The following GRIN3A variants were observed in gnomAD, a reference collection of about 807,000 sequenced individuals.
GRIN3A encodes the protein glutamate receptor ionotropic, NMDA 3A.
GRIN3A carries 47 observed loss-of-function variants against 92.4 expected under a neutral mutation model. The observed-to-expected ratio is 0.51, with a 90% CI of 0.40 to 0.65. GRIN3A has a LOEUF of 0.65. Ranked by LOEUF, GRIN3A falls within the 30% of genes least tolerant of loss-of-function variation. GRIN3A has a pLI of 0.00. For synonymous variants in GRIN3A, 527 were observed against 540.6 expected, an observed-to-expected ratio of 0.97 and a Z score of 0.35; for missense variants, 1,324 against 1,393.1, an observed-to-expected ratio of 0.95 and a Z score of 0.79.
At chr9:101,712,849 G>T (rs1176756077) in intron 1 of GRIN3A, among the ~76,000 whole-genome samples, 1 of 152,184 alleles carries the variant, frequency 6.6e-6, no homozygotes, top group Non-Finnish European at 1.5e-5. Context: ...ACACTTCATA[G>T]AAATTATTTC....
chr9:101,670,522 A>G lies in GRIN3A; in HGVS notation c.1890T>C (p.Thr630=), dbSNP rs750409669. Residue 630 remains threonine (T), a synonymous_variant, in exon 3 of 9, where the codon ACT becomes ACC. Coordinates refer to ENST00000361820, the MANE Select transcript of GRIN3A (RefSeq NM_133445.3). ...TCCGTGCAGTATTGATGCTAAAGGA[A>G]GTGACTGCCATGTGGGCAGTCCCTC... The part of the protein sequence containing the change: ...LLRGTAHMAV[T]SFSINTARSQ... 1.2e-6 allele frequency: 2 copies of G among 1,614,062 alleles called. No individual in the cohort carries two copies. Among genetic ancestry groups the G allele is most frequent in the Admixed American group, 3.3e-5 (2 of 59,984 alleles).
chr9:101,679,573 G>A (rs190643632), intron 2 of GRIN3A, among the ~76,000 whole-genome samples: 18 of 152,294 alleles, frequency 1.2e-4, no homozygotes, highest in African/African-American at 4.1e-4. Context: ...AGATCATTCG[G>A]CTGACAAGGG....
At chr9:101,618,507 A>C (rs899739604) in intron 5 of GRIN3A, among the ~76,000 whole-genome samples, 2 of 152,204 alleles carry the variant, frequency 1.3e-5, no homozygotes, top group African/African-American at 2.4e-5. Flanking sequence ...ATACCATCTC[A>C]CACCAGTTAG....
At chr9:101,665,483 T>A (rs1564139167) in intron 3 of GRIN3A, among the ~76,000 whole-genome samples, 1 of 151,906 alleles carries the variant, frequency 6.6e-6, no homozygotes, top group Admixed American at 6.6e-5. Context: ...GAGTTTTATG[T>A]AGTGAAAACG....
At chr9:101,628,210 C>G in intron 4 of GRIN3A, 46 bp downstream of exon 4, 1 of 1,602,780 alleles carries the variant, frequency 6.2e-7, no homozygotes. Flanking sequence ...TAAATTACTT[C>G]TCTTCAGTGA....
chr9:101,614,609 C>CTTTTT (rs754003481), intron 5 of GRIN3A, among the ~76,000 whole-genome samples: 8 of 83,050 alleles, frequency 9.6e-5, no homozygotes, highest in Non-Finnish European at 1.4e-4. Context: ...ATATGTGATA[C>CTTTTT]TTTTTTTTTT....
At chr9:101,690,973 T>C (rs987376508) in intron 1 of GRIN3A, among the ~76,000 whole-genome samples, 6 of 152,070 alleles carry the variant, frequency 3.9e-5, no homozygotes, top group Admixed American at 6.5e-5. Context: ...CATTAAAAGA[T>C]AGACCAAAAG....
Position 101,670,960 on chromosome 9 carries a change from C to T in GRIN3A, c.1452G>A (p.Trp484Ter). The T allele has an allele frequency of 6.2e-7, 1 of 1,614,014 alleles. No individual in the cohort carries two copies. Among genetic ancestry groups the T allele is most frequent in the Non-Finnish European group, 8.5e-7 (1 of 1,179,942 alleles). Residue 484 changes from tryptophan to a stop codon, truncating the protein, a stop_gained, in exon 3 of 9, where the codon TGG becomes TGA. Coordinates refer to ENST00000361820, the MANE Select transcript of GRIN3A (RefSeq NM_133445.3). LOFTEE classifies it high-confidence loss of function. ...AGTCCATGACAATCTTTCCCCCCTG[C>T]CAGCTGCCCAAGCGGGTCCACATTG... ...GKPMWTRLGS[W>*]QGGKIVMDYG... is the part of the protein sequence containing the mutation.
Position 101,662,061 on chromosome 9 carries a change from C to T in GRIN3A, c.2352+7999G>A, listed in dbSNP as rs543913340. Among the ~76,000 whole-genome samples, 3 of 151,690 alleles carry T rather than the reference C, an allele frequency of 2.0e-5. No homozygotes were observed. In the South Asian group the frequency reaches 6.2e-4, roughly 31 times the overall value. On this transcript the variant is annotated intron_variant, in intron 3 of 8. Coordinates refer to ENST00000361820, the MANE Select transcript of GRIN3A (RefSeq NM_133445.3). ...TTACTTATATATACCTTGCTATCTTCCCGAAAAGATTTAAGGCAGCTTAAA... is the reference window on the plus strand; with the variant it reads ...TTACTTATATATACCTTGCTATCTTTCCGAAAAGATTTAAGGCAGCTTAAA...
chr9:101,711,427 G>T (rs1701712661), intron 1 of GRIN3A, among the ~76,000 whole-genome samples: 1 of 152,118 alleles, frequency 6.6e-6, no homozygotes, highest in Non-Finnish European at 1.5e-5. Context: ...GTTTATTTTC[G>T]GTTGACTATG....
intron 6 of GRIN3A, among the ~76,000 whole-genome samples, chr9:101,587,361 A>G (rs1827963450): frequency 1.3e-5 from 2 of 152,032 alleles, no homozygotes; most frequent in Non-Finnish European, 2.9e-5. Flanking sequence ...CTGATTCAAT[A>G]TATGTACTGT....
chr9:101,668,007 G>C (rs941229749), intron 3 of GRIN3A, among the ~76,000 whole-genome samples: 1 of 152,008 alleles, frequency 6.6e-6, no homozygotes, highest in African/African-American at 2.4e-5. Context: ...ATTTAGGTTT[G>C]TCCCATTTCA....
At chr9:101,578,979 G>T (rs117142729) in intron 7 of GRIN3A, among the ~76,000 whole-genome samples, 1 of 152,304 alleles carries the variant, frequency 6.6e-6, no homozygotes, top group East Asian at 1.9e-4. Flanking sequence ...ACAGTGGAGG[G>T]TTATAGGAAA....
At chr9:101,607,907 T>G (rs893501382) in intron 6 of GRIN3A, among the ~76,000 whole-genome samples, 9 of 152,228 alleles carry the variant, frequency 5.9e-5, no homozygotes, top group African/African-American at 2.2e-4. Context: ...AGAGGCTGTT[T>G]GCGCAGAGAA....
chr9:101,685,363 C>CT (rs1372026291), intron 2 of GRIN3A, among the ~76,000 whole-genome samples: 1 of 104,148 alleles, frequency 9.6e-6, no homozygotes, highest in African/African-American at 3.6e-5. Flanking sequence ...ATTATCATGT[C>CT]TTTTTTAAAG....
At chr9:101,721,967 A>C (rs1247736962) in intron 1 of GRIN3A, among the ~76,000 whole-genome samples, 1 of 152,226 alleles carries the variant, frequency 6.6e-6, no homozygotes, top group Non-Finnish European at 1.5e-5. Flanking sequence ...AAATTTGAAT[A>C]AGTAGCAGAG....
chr9:101,611,321 G>C (rs1218117220), intron 6 of GRIN3A, among the ~76,000 whole-genome samples: 1 of 151,948 alleles, frequency 6.6e-6, no homozygotes, highest in East Asian at 1.9e-4. Flanking sequence ...TGCCTTTGTT[G>C]TCACGTGGAC....
At chr9:101,697,571 T>A (rs1411970960) in intron 1 of GRIN3A, among the ~76,000 whole-genome samples, 2 of 152,230 alleles carry the variant, frequency 1.3e-5, no homozygotes, top group Non-Finnish European at 2.9e-5. Context: ...TTGGGTTTCA[T>A]CTGGCCCTTG....
intron 1 of GRIN3A, among the ~76,000 whole-genome samples, chr9:101,711,501 G>A (rs1244513219): frequency 2.6e-5 from 4 of 152,160 alleles, no homozygotes; most frequent in African/African-American, 7.2e-5. Flanking sequence ...CACCCATTAC[G>A]TTTCTGGTTC....
Sources: allele counts gnomAD v4.1 joint callset (sites outside exome capture counted in the v4.1 genomes callset), GRCh38; gene constraint gnomAD v4.1.1; transcripts MANE v1.5; gene names NCBI Gene and HGNC (gene_info 2026-07-23, HGNC 2026-07-21).